The following TMEM204 variants were observed in gnomAD, a reference collection of about 807,000 sequenced individuals.
TMEM204 encodes claudin-like protein 24.
A neutral mutation model predicts 19.4 loss-of-function variants in TMEM204; 15 were observed. The ratio of observed to expected loss-of-function variants is 0.77; its 90% CI spans 0.52 to 1.19. The LOEUF (loss-of-function observed/expected upper bound fraction) is 1.19, where lower values mean the gene tolerates loss of function less well. Ranked by LOEUF, TMEM204 falls within the 50% of genes most tolerant of loss-of-function variation. The pLI, the probability that TMEM204 is intolerant of heterozygous loss-of-function variation, is 0.00. For synonymous variants in TMEM204, 161 were observed against 146.0 expected (o/e 1.10, Z -0.74); for missense variants, 287 against 321.2 (o/e 0.89, Z 0.81).
At chr16:1,542,893 C>T (rs966220270) in intron 2 of TMEM204, among the ~76,000 whole-genome samples, 2 of 152,216 alleles carry the variant, frequency 1.3e-5, no homozygotes, top group African/African-American at 2.4e-5. Context: ...GAAGACCTGG[C>T]GTCATAGAGG....
chr16:1,544,218 C>T (rs1315797771), intron 2 of TMEM204, among the ~76,000 whole-genome samples: 5 of 149,384 alleles, frequency 3.3e-5, no homozygotes, highest in Admixed American at 6.7e-5. Context: ...AAGTCTCACT[C>T]TGTCACCCAG....
intron 2 of TMEM204, among the ~76,000 whole-genome samples, chr16:1,542,869 G>C (rs1171542368): frequency 1.3e-5 from 2 of 152,258 alleles, no homozygotes; most frequent in African/African-American, 2.4e-5. Context: ...CCAGCAACCT[G>C]GGACAGGTCT....
At chr16:1,554,010 C>T (rs778422529) in intron 2 of TMEM204, 33 of 1,287,232 alleles carry the variant, frequency 2.6e-5, no homozygotes, top group East Asian at 1.1e-4. Context: ...GGGTTGCTCA[C>T]GGCCCACCTC....
At chr16:1,545,085 G>A (rs976769182) in intron 2 of TMEM204, among the ~76,000 whole-genome samples, 1 of 152,234 alleles carries the variant, frequency 6.6e-6, no homozygotes, top group Non-Finnish European at 1.5e-5. Flanking sequence ...GTTTCTAAAT[G>A]TATTTTAAAA....
At position 1,553,483 on chromosome 16, in the gene TMEM204, A is replaced by G; in HGVS notation, c.437-1299A>G. 1 of 985,472 alleles carries G rather than the reference A, an allele frequency of 1.0e-6. No homozygotes were observed. The highest frequency in any genetic ancestry group is 1.2e-6 in the Non-Finnish European group (1 of 829,934). The allele number at this position is 985,472 out of a possible 1,614,324, so 61.0% of individuals were successfully genotyped here. ...CAACATGCAGGCCAGGCGGAGGGAC[A>G]GCAGTGGGGCTCGGCGTGGCCGGAG... is the stretch of plus-strand genomic sequence containing the variant. On this transcript the variant is annotated intron_variant, in intron 2 of 2. Coordinates refer to ENST00000566264, the MANE Select transcript of TMEM204 (RefSeq NM_024600.6). The surrounding 1 kb of genome is among the most constrained non-coding windows in gnomAD (Gnocchi z 4.4).
At position 1,554,167 on chromosome 16, in the gene TMEM204, T is replaced by C. The variant is rs1257901175; in HGVS notation, c.437-615T>C. 3.9e-6 allele frequency: 5 copies of C among 1,274,602 alleles called. No homozygotes were observed. In the East Asian group the frequency reaches 2.2e-4, roughly 57 times the overall value. 79.0% of individuals were successfully genotyped at this position (1,274,602 alleles called of 1,614,324 possible). A position where few individuals can be genotyped will look rare whatever the true frequency, so the allele number is the denominator to read the frequency against. Reference sequence around the variant, plus strand: ...AGCCAAGGAGCCCTAGACAAGGCCCTGGCCCCATCTCCGCCCTGCCTGAGC... The same window carrying C: ...AGCCAAGGAGCCCTAGACAAGGCCCCGGCCCCATCTCCGCCCTGCCTGAGC... On this transcript the variant is annotated intron_variant, in intron 2 of 2. Transcript: ENST00000566264.
intron 2 of TMEM204, among the ~76,000 whole-genome samples, chr16:1,546,282 G>A (rs1567353939): frequency 1.3e-5 from 2 of 152,320 alleles, no homozygotes; most frequent in East Asian, 1.9e-4. Flanking sequence ...AGCCTAGGCC[G>A]GGAGGCTCCC....
intron 2 of TMEM204, chr16:1,552,911 C>T (rs1318447132): frequency 1.0e-6 from 1 of 959,380 alleles, no homozygotes; most frequent in East Asian, 1.2e-4. Flanking sequence ...CCTCAGCCTC[C>T]CAAAGTGCTG....
chr16:1,541,774 C>G (rs1224553412), intron 1 of TMEM204, 147 bp from the exon 2 acceptor site: 2 of 987,946 alleles, frequency 2.0e-6, no homozygotes, highest in African/African-American at 3.4e-5. Context: ...GGGCGTGATG[C>G]TTCCCGAAGC....
intron 2 of TMEM204, among the ~76,000 whole-genome samples, chr16:1,554,529 G>T (rs2032933556): frequency 6.6e-6 from 1 of 152,216 alleles, no homozygotes; most frequent in Non-Finnish European, 1.5e-5. Flanking sequence ...ACAGCCGCCA[G>T]AGCCTGAAGT....
intron 2 of TMEM204, among the ~76,000 whole-genome samples, chr16:1,548,680 GC>G (rs2032377535): frequency 6.6e-6 from 1 of 152,224 alleles, no homozygotes; most frequent in African/African-American, 2.4e-5. Flanking sequence ...TTTAGGGCCA[GC>G]CCCAGCCCTG....
At position 1,555,198 on chromosome 16, in the gene TMEM204, CAT is replaced by C; in HGVS notation, c.*175_*176del. 1.2e-6 allele frequency: 1 copy of C among 835,164 alleles called. No individual in the cohort carries two copies. The highest frequency in any genetic ancestry group is 1.8e-6 in the Non-Finnish European group (1 of 553,748). The allele number at this position is 835,164 out of a possible 1,614,324, so 51.7% of individuals were successfully genotyped here. A position where few individuals can be genotyped will look rare whatever the true frequency, so the allele number is the denominator to read the frequency against. On this transcript the variant is annotated 3_prime_UTR_variant, in exon 3 of 3. Transcript: ENST00000566264. ...CGTGTGCGTTTACTGTTATGTCGGT[CAT>C]ATGTCTGTACGTGTCGTGGGCCAAC...
At chr16:1,544,810 G>A (rs1400642917) in intron 2 of TMEM204, among the ~76,000 whole-genome samples, 2 of 144,040 alleles carry the variant, frequency 1.4e-5, no homozygotes, top group South Asian at 2.1e-4. Flanking sequence ...CACCACGCCT[G>A]GCTAATTTTT....
Position 1,553,220 on chromosome 16 carries a change from G to C in TMEM204, c.437-1562G>C. The C allele has an allele frequency of 1.0e-6, 1 of 977,358 alleles. No individual in the cohort carries two copies. The highest frequency in any genetic ancestry group is 1.8e-5 in the African/African-American group (1 of 57,060). 60.5% of individuals were successfully genotyped at this position (977,358 alleles called of 1,614,324 possible). On this transcript the variant is annotated intron_variant, in intron 2 of 2. Coordinates refer to ENST00000566264, the MANE Select transcript of TMEM204 (RefSeq NM_024600.6). This position sits in a 1 kb window ranked among gnomAD's most constrained non-coding sequence, Gnocchi z 4.4. The stretch of plus-strand genomic sequence containing the variant: ...TGTGTCTCTGTCTCTGTCTCTCTCT[G>C]TCTCCATCTGTCTCTGTGTCTGTCT...
At chr16:1,530,751 G>T (rs142700555), upstream of TMEM204, 2,213 of 152,432 alleles carry the variant, frequency 0.015, 25 homozygotes, top group Non-Finnish European at 0.022. Flanking sequence ...CCCGCAGGCC[G>T]GCCCTGGTTT....
intron 2 of TMEM204, among the ~76,000 whole-genome samples, chr16:1,543,883 G>A (rs2141311116): frequency 1.3e-5 from 2 of 152,242 alleles, no homozygotes; most frequent in Middle Eastern, 3.4e-3. Flanking sequence ...AGAAGGAAAT[G>A]GAAGATTTTG....
At chr16:1,547,867 G>C (rs2032303541) in intron 2 of TMEM204, among the ~76,000 whole-genome samples, 1 of 152,116 alleles carries the variant, frequency 6.6e-6, no homozygotes, top group African/African-American at 2.4e-5. Context: ...AGCATAGATG[G>C]GGTCTTGCCA....
At chr16:1,536,228 C>G (rs990331579) in intron 1 of TMEM204, among the ~76,000 whole-genome samples, 6 of 152,256 alleles carry the variant, frequency 3.9e-5, no homozygotes, top group African/African-American at 1.4e-4. Flanking sequence ...GCGCCCCTCC[C>G]TGTTGCTACC....
At chr16:1,550,617 A>G (rs1193418880) in intron 2 of TMEM204, among the ~76,000 whole-genome samples, 1 of 152,134 alleles carries the variant, frequency 6.6e-6, no homozygotes, top group South Asian at 2.1e-4. Context: ...AGGCTGCCTC[A>G]GGGCAGGAGG....
Sources: gnomAD v4.1 joint callset for allele counts (sites outside exome capture counted in the v4.1 genomes callset) on GRCh38, gnomAD v4.1.1 for gene constraint, Gnocchi (gnomAD v3.1) non-coding constraint, MANE v1.5 for transcripts, NCBI Gene and HGNC (gene_info 2026-07-23, HGNC 2026-07-21) for gene names.